Variants in LIPF observed in about 807,000 individuals in gnomAD.
LIPF encodes lipase F, gastric type.
A neutral mutation model predicts 38.0 loss-of-function variants in LIPF; 25 were observed. That is an observed-to-expected ratio of 0.66 (90% CI 0.48 to 0.92). LIPF has a LOEUF of 0.92. Ranked by LOEUF, LIPF falls within the 40% of genes least tolerant of loss-of-function variation. The pLI is 0.00. For synonymous variants in LIPF, 161 were observed against 156.2 expected, an observed-to-expected ratio of 1.03 and a Z score of -0.23; for missense variants, 410 against 469.9, an observed-to-expected ratio of 0.87 and a Z score of 1.18.
chr10:88,670,563 C>G (rs1351674746), intron 5 of LIPF, among the ~76,000 whole-genome samples: 1 of 152,018 alleles, frequency 6.6e-6, no homozygotes, highest in Non-Finnish European at 1.5e-5. Context: ...TCAGATGTTC[C>G]AGGAAGACAG....
Position 88,667,284 on chromosome 10 carries a change from C to G in LIPF, c.-11-3C>G. ...CATGGCACGGGTTATTCTTTTCTTT[C>G]AGGCAGGTCCAAAATGTGGCTGCTT... On this transcript the variant is annotated splice_region_variant and splice_polypyrimidine_tract_variant and intron_variant, in intron 1 of 9. Coordinates refer to ENST00000238983, the MANE Select transcript of LIPF (RefSeq NM_004190.4). The G allele has an allele frequency of 6.5e-7, 1 of 1,543,062 alleles. No homozygotes were observed.
intron 6 of LIPF, among the ~76,000 whole-genome samples, 189 bp from the exon 7 acceptor site, chr10:88,673,399 T>G (rs1276472574): frequency 6.6e-6 from 1 of 152,248 alleles, no homozygotes; most frequent in Non-Finnish European, 1.5e-5. Context: ...TATTGATATC[T>G]GTGCTGCCCA....
intron 7 of LIPF, among the ~76,000 whole-genome samples, 161 bp downstream of exon 7, chr10:88,673,895 A>C (rs1448032311): frequency 6.6e-6 from 1 of 152,130 alleles, no homozygotes; most frequent in African/African-American, 2.4e-5. Flanking sequence ...CAATTTAATC[A>C]CTTCCAGCAT....
intron 1 of LIPF, chr10:88,665,505 T>G: frequency 6.5e-7 from 1 of 1,530,008 alleles, no homozygotes; most frequent in Non-Finnish European, 8.8e-7. Context: ...TTTTGAGAAA[T>G]TTATTCTGCC....
At chr10:88,678,094 G>T (rs184202002) in intron 9 of LIPF, among the ~76,000 whole-genome samples, 134 of 152,224 alleles carry the variant, frequency 8.8e-4, no homozygotes, top group Non-Finnish European at 1.4e-3. Flanking sequence ...TTCTTAATTT[G>T]TAAGACTTAC....
At chr10:88,674,026 AC>A (rs1481257737) in intron 7 of LIPF, among the ~76,000 whole-genome samples, 1 of 152,216 alleles carries the variant, frequency 6.6e-6, no homozygotes, top group Non-Finnish European at 1.5e-5. Context: ...AAGAGAAAGG[AC>A]TGAACCATAT....
At chr10:88,675,750 C>T (rs11202805) in intron 8 of LIPF, 93 bp downstream of exon 8, 70,842 of 812,694 alleles carry the variant, frequency 0.087, 3,842 homozygotes, top group African/African-American at 0.22. Flanking sequence ...CTGCTGAGTA[C>T]ACCTGGAAGG....
In LIPF at chr10:88,673,751, A is replaced by G; in HGVS notation, c.816+17A>G. 1 of 1,595,972 alleles carries G rather than the reference A, an allele frequency of 6.3e-7. No homozygotes were observed. The highest frequency in any genetic ancestry group is 1.3e-5 in the African/African-American group (1 of 74,258). Reference sequence around the variant, plus strand: ...TTTAACACGGTTAGTATGCATTTCAATTTCTATATTTTGAGCAACATCTTT... The same window carrying G: ...TTTAACACGGTTAGTATGCATTTCAGTTTCTATATTTTGAGCAACATCTTT... On this transcript the variant is annotated intron_variant, in intron 7 of 9. Transcript: ENST00000238983.
chr10:88,672,654 ACACACACACACACACACT>A (rs1166929606), intron 6 of LIPF, among the ~76,000 whole-genome samples: 2 of 138,052 alleles, frequency 1.4e-5, no homozygotes, highest in Non-Finnish European at 3.1e-5. Flanking sequence ...ACACACACAC[ACACACACACACACACACT>A]CTCTCTCTCT....
chr10:88,673,786 T>C (rs760498366), intron 7 of LIPF, 52 bp downstream of exon 7: 3 of 1,468,566 alleles, frequency 2.0e-6, no homozygotes, highest in South Asian at 2.4e-5. Flanking sequence ...TGATTACTTG[T>C]TTCATTGCCA....
intron 9 of LIPF, 98 bp from the exon 10 acceptor site, chr10:88,678,346 TA>T: frequency 1.1e-6 from 1 of 882,918 alleles, no homozygotes; most frequent in Admixed American, 1.8e-5. Flanking sequence ...AATTCACTTA[TA>T]AAACCGCCAG....
intron 2 of LIPF, 61 bp downstream of exon 2, chr10:88,667,463 T>G: frequency 9.0e-7 from 1 of 1,112,656 alleles, no homozygotes; most frequent in Non-Finnish European, 1.3e-6. Flanking sequence ...AAAATCATAA[T>G]GAGTTAAAGA....
rs1279110162 is a variant in LIPF at position 88,668,574 on chromosome 10, GTTT to G, written c.243_245del (p.Phe81del). On this transcript the variant is annotated inframe_deletion, in exon 4 of 10. Coordinates refer to ENST00000238983, the MANE Select transcript of LIPF (RefSeq NM_004190.4). ...CTTCCTTAGGCCAGAGACCTGTTGT[GTTT>G]TTGCAGCATGGTTTGCTTGCATCAG... The G allele has an allele frequency of 1.2e-6, 2 of 1,614,034 alleles. No individual in the cohort carries two copies. The highest frequency in any genetic ancestry group is 1.7e-6 in the Non-Finnish European group (2 of 1,179,996).
chr10:88,669,400 G>A (rs968034660), intron 4 of LIPF: 1 of 160,502 alleles, frequency 6.2e-6, no homozygotes, highest in African/African-American at 2.4e-5. Context: ...AGAGCCTTGG[G>A]CCTCATTCTG....
chr10:88,673,716 C>G lies in LIPF; in HGVS notation c.798C>G (p.Asp266Glu), dbSNP rs1422316081. The change falls in exon 7 of 10, where the codon GAC becomes GAG. Residue 266 changes from aspartate to glutamate, a missense_variant. Transcript: ENST00000238983. Reference sequence around the variant, plus strand: ...CCTTATTTATAATTTGTGGATTTGACAGTAAGAACTTTAACACGGTTAGTA... The same window carrying G: ...CCTTATTTATAATTTGTGGATTTGAGAGTAAGAACTTTAACACGGTTAGTA... ...SNALFIICGF[D>E]SKNFNTSRLD... 3 of 1,612,686 alleles carry G rather than the reference C, an allele frequency of 1.9e-6. No homozygotes were observed. Among genetic ancestry groups the G allele is most frequent in the Non-Finnish European group, 2.5e-6 (3 of 1,179,280 alleles).
Position 88,672,511 on chromosome 10 carries a change from G to A in LIPF, c.669+546G>A, listed in dbSNP as rs1841614922. On this transcript the variant is annotated intron_variant, in intron 6 of 9. Coordinates refer to ENST00000238983, the MANE Select transcript of LIPF (RefSeq NM_004190.4). ...GGGCGATCTCATAAGTCAGTGGTGT[G>A]GATTTCAATAAATTATAAATATTAA... 5.9e-5 allele frequency among the ~76,000 whole-genome samples: 9 copies of A among 152,060 alleles called. No individual in the cohort carries two copies. The South Asian group carries it at 1.9e-3, about 32-fold the overall frequency.
chr10:88,677,059 C>A (rs1841700006), intron 9 of LIPF, among the ~76,000 whole-genome samples: 1 of 152,148 alleles, frequency 6.6e-6, no homozygotes, highest in East Asian at 1.9e-4. Context: ...TCCAATTTTT[C>A]CATCCAAGTA....
At chr10:88,677,927 A>T (rs1256227382) in intron 9 of LIPF, among the ~76,000 whole-genome samples, 1 of 152,218 alleles carries the variant, frequency 6.6e-6, no homozygotes, top group African/African-American at 2.4e-5. Context: ...GAAACAACTG[A>T]CCTATCCCCT....
At chr10:88,671,585 G>A (rs973590083) in intron 5 of LIPF, among the ~76,000 whole-genome samples, 7 of 151,786 alleles carry the variant, frequency 4.6e-5, no homozygotes, top group African/African-American at 1.7e-4. Flanking sequence ...ATTTTCTAAG[G>A]TCAGATAAAG....
Sources: gnomAD v4.1 joint callset for allele counts (sites outside exome capture counted in the v4.1 genomes callset) on GRCh38, gnomAD v4.1.1 for gene constraint, MANE v1.5 for transcripts, NCBI Gene and HGNC (gene_info 2026-07-23, HGNC 2026-07-21) for gene names.